KCNQ3: variants seen among roughly 807,000 people sequenced by gnomAD.
KCNQ3 encodes potassium voltage-gated channel subfamily Q member 3, also known as potassium voltage-gated channel subfamily KQT member 3.
A neutral mutation model predicts 92.5 loss-of-function variants in KCNQ3; 30 were observed. That is an observed-to-expected ratio of 0.32 (90% CI 0.24 to 0.44). The LOEUF is 0.44. Ranked by LOEUF, KCNQ3 falls within the 20% of genes least tolerant of loss-of-function variation. The pLI, the probability that KCNQ3 is intolerant of heterozygous loss-of-function variation, is 1.00. For synonymous variants in KCNQ3, 450 were observed against 468.8 expected, an observed-to-expected ratio of 0.96 and a Z score of 0.52; for missense variants, 913 against 1,140.3, an observed-to-expected ratio of 0.80 and a Z score of 2.87.
intron 1 of KCNQ3, among the ~76,000 whole-genome samples, chr8:132,358,366 C>G (rs1001245090): frequency 6.6e-6 from 1 of 152,216 alleles, no homozygotes; most frequent in East Asian, 1.9e-4. Context: ...CTGGGAGTCA[C>G]TGTGGCTCTA....
chr8:132,243,273 A>T (rs1815052088), intron 1 of KCNQ3, among the ~76,000 whole-genome samples: 1 of 152,236 alleles, frequency 6.6e-6, no homozygotes, highest in African/African-American at 2.4e-5. Context: ...CAGAGTCAGG[A>T]TTTGGATTCC....
intron 1 of KCNQ3, chr8:132,187,199 A>G (rs1388307529): frequency 1.5e-5 from 7 of 455,918 alleles, no homozygotes; most frequent in African/African-American, 6.0e-5. Flanking sequence ...GGTTCTACCC[A>G]TGCTTTTTTG....
intron 1 of KCNQ3, among the ~76,000 whole-genome samples, chr8:132,234,494 G>A (rs1177720818): frequency 1.3e-5 from 2 of 151,956 alleles, no homozygotes; most frequent in Non-Finnish European, 1.5e-5. Flanking sequence ...CTGCGGGTGG[G>A]TGGAGGCAGG....
intron 1 of KCNQ3, among the ~76,000 whole-genome samples, chr8:132,417,211 G>A (rs1267746822): frequency 6.6e-6 from 1 of 152,186 alleles, no homozygotes; most frequent in Non-Finnish European, 1.5e-5. Flanking sequence ...AACAAGGGAG[G>A]GTGAAGCCCC....
At chr8:132,473,398 G>T (rs1822336069) in intron 1 of KCNQ3, among the ~76,000 whole-genome samples, 1 of 152,184 alleles carries the variant, frequency 6.6e-6, no homozygotes, top group African/African-American at 2.4e-5. Context: ...CTCTGGCTGG[G>T]ACGTTGACCA....
chr8:132,445,052 G>C (rs963106523), intron 1 of KCNQ3, among the ~76,000 whole-genome samples: 1 of 152,130 alleles, frequency 6.6e-6, no homozygotes, highest in African/African-American at 2.4e-5. Context: ...CTCTGCACCC[G>C]ATCAATATCA....
chr8:132,330,177 AG>A (rs1818188317), intron 1 of KCNQ3, among the ~76,000 whole-genome samples: 5 of 152,220 alleles, frequency 3.3e-5, no homozygotes, highest in South Asian at 4.1e-4. Context: ...TATGGCCACA[AG>A]CCCAGGAATG....
intron 1 of KCNQ3, among the ~76,000 whole-genome samples, chr8:132,472,732 T>C (rs968899846): frequency 2.6e-5 from 4 of 152,168 alleles, no homozygotes; most frequent in Admixed American, 1.3e-4. Context: ...CAATGTATTG[T>C]ATAATTCAAA....
intron 9 of KCNQ3, among the ~76,000 whole-genome samples, chr8:132,146,952 C>A (rs1027194135): frequency 1.3e-5 from 2 of 150,566 alleles, no homozygotes; most frequent in East Asian, 2.0e-4. Flanking sequence ...GCTGTTGCCC[C>A]TGGCCGAGAT....
chr8:132,388,379 A>G (rs1819954212), intron 1 of KCNQ3, among the ~76,000 whole-genome samples: 2 of 152,224 alleles, frequency 1.3e-5, no homozygotes, highest in Admixed American at 6.5e-5. Flanking sequence ...GTACGAGAAA[A>G]CTTCAGAACA....
intron 1 of KCNQ3, among the ~76,000 whole-genome samples, chr8:132,273,543 A>G (rs191169279): frequency 1.6e-4 from 24 of 152,116 alleles, no homozygotes; most frequent in African/African-American, 5.3e-4. Context: ...CATTTTCCCT[A>G]TTGTCTTGGG....
chr8:132,233,722 T>A (rs1335268279), intron 1 of KCNQ3, among the ~76,000 whole-genome samples: 2 of 152,178 alleles, frequency 1.3e-5, no homozygotes, highest in East Asian at 3.8e-4. Flanking sequence ...CCTAAACGGG[T>A]CCCTCATTTC....
rs1815241006 is a variant in KCNQ3 at position 132,247,913 on chromosome 8, T to TAA, written c.387-61734_387-61733dup. Among the ~76,000 whole-genome samples, 6 of 152,298 alleles carry TAA rather than the reference T, an allele frequency of 3.9e-5. No homozygotes were observed. In the South Asian group the frequency reaches 1.0e-3, roughly 26 times the overall value. ...ACTTACCAGGTGCCAAGCACTGTTT[T>TAA]AAGCACTTGACGAATGTTAGCTCAC... On this transcript the variant is annotated intron_variant, in intron 1 of 14. Transcript: ENST00000388996.
At chr8:132,476,193 G>C (rs1346659247) in intron 1 of KCNQ3, among the ~76,000 whole-genome samples, 1 of 152,116 alleles carries the variant, frequency 6.6e-6, no homozygotes, top group Non-Finnish European at 1.5e-5. Flanking sequence ...GTCCAGGCAG[G>C]AGTCTGCTGC....
intron 1 of KCNQ3, among the ~76,000 whole-genome samples, chr8:132,219,171 G>A (rs1381474038): frequency 6.6e-6 from 1 of 152,062 alleles, no homozygotes; most frequent in African/African-American, 2.4e-5. Context: ...CAGTTTTCTG[G>A]AACTCCAGTG....
chr8:132,186,925 T>TGA (rs1563794835), intron 1 of KCNQ3, among the ~76,000 whole-genome samples: 1 of 89,876 alleles, frequency 1.1e-5, no homozygotes, highest in Non-Finnish European at 2.2e-5. Context: ...TGTGTGTGTG[T>TGA]GTGTGTGTGA....
At chr8:132,373,514 C>A (rs529599797) in intron 1 of KCNQ3, among the ~76,000 whole-genome samples, 1 of 152,212 alleles carries the variant, frequency 6.6e-6, no homozygotes, top group South Asian at 2.1e-4. Flanking sequence ...TCTCACCTAC[C>A]TACATTTAAC....
chr8:132,407,186 C>T (rs1467850526), intron 1 of KCNQ3, among the ~76,000 whole-genome samples: 4 of 152,280 alleles, frequency 2.6e-5, no homozygotes, highest in African/African-American at 9.6e-5. Flanking sequence ...CCAGTTTCAC[C>T]CCAGGAGCAG....
At chr8:132,132,073 GT>G in intron 14 of KCNQ3, 106 bp downstream of exon 14, 1 of 800,886 alleles carries the variant, frequency 1.2e-6, no homozygotes, top group Non-Finnish European at 2.1e-6. Context: ...GGGCAACAGA[GT>G]GAACCTTCGT....
Sources: gnomAD v4.1 joint callset for allele counts (sites outside exome capture counted in the v4.1 genomes callset) on GRCh38, gnomAD v4.1.1 for gene constraint, MANE v1.5 for transcripts, NCBI Gene and HGNC (gene_info 2026-07-23, HGNC 2026-07-21) for gene names.